TNRC18: variants seen among roughly 807,000 people sequenced by gnomAD.
TNRC18 encodes trinucleotide repeat-containing gene 18 protein.
Under a neutral mutation model 226.7 loss-of-function variants are expected in TNRC18, and 69 were observed. That is an observed-to-expected ratio of 0.30 (90% CI 0.25 to 0.37). The LOEUF is 0.37. Among genes scored for constraint, TNRC18 ranks in the 10% least tolerant of loss-of-function variants. The pLI is 1.00. For synonymous variants in TNRC18, 2,449 were observed against 1,927.6 expected, an observed-to-expected ratio of 1.27 and a Z score of -7.09; for missense variants, 4,754 against 4,256.6, an observed-to-expected ratio of 1.12 and a Z score of -3.25.
intron 11 of TNRC18, among the ~76,000 whole-genome samples, chr7:5,365,915 C>G (rs1179193457): frequency 6.6e-6 from 1 of 152,034 alleles, no homozygotes; most frequent in Non-Finnish European, 1.5e-5. Flanking sequence ...ACTAAAAATA[C>G]AAAAAACTAG....
chr7:5,394,707 G>T lies in TNRC18; in HGVS notation c.188-112C>A. 1.3e-6 allele frequency: 1 copy of T among 794,352 alleles called. No homozygotes were observed. Among genetic ancestry groups the T allele is most frequent in the Non-Finnish European group, 2.0e-6 (1 of 503,248 alleles). The allele number at this position is 794,352 out of a possible 1,614,324, so 49.2% of individuals were successfully genotyped here. On this transcript the variant is annotated intron_variant, in intron 2 of 29. Transcript: ENST00000430969. This position sits in a 1 kb window ranked among gnomAD's most constrained non-coding sequence, Gnocchi z 4.5. The stretch of plus-strand genomic sequence containing the variant: ...GACCGCCGCCTCTCCCCAGCTGTGT[G>T]GAGCTGATGCTGGCCAGGAGACCAA...
At chr7:5,339,541 A>ATGTGTGTGTGTGTG (rs71536907) in intron 18 of TNRC18, among the ~76,000 whole-genome samples, 33 of 137,054 alleles carry the variant, frequency 2.4e-4, no homozygotes, top group African/African-American at 8.5e-4. Flanking sequence ...TGCCCAGCCA[A>ATGTGTGTGTGTGTG]TGTGTGTGTG....
rs572271633 is a variant in TNRC18, at chr7:5,361,713, G to A, written c.4542C>T (p.Arg1514=). 3.8e-5 allele frequency: 60 copies of A among 1,565,948 alleles called. No individual in the cohort carries two copies. The highest frequency in any genetic ancestry group is 5.4e-5 in the African/African-American group (4 of 73,442). The change falls in exon 14 of 30, where the codon CGC becomes CGT. Residue 1514 remains arginine, a synonymous_variant. Coordinates refer to ENST00000430969, the MANE Select transcript of TNRC18 (RefSeq NM_001080495.3). ...GTGCCAAGCTTCTATGGGGTTCCTC[G>A]CGCCTGTCCCTTAAAAAGAATCACA... is the stretch of plus-strand genomic sequence containing the variant. ...LQRRRDSEDR[R]EEPHRSLARR... is the part of the protein sequence containing the mutation.
chr7:5,351,449 G>C (rs536289040), intron 17 of TNRC18, among the ~76,000 whole-genome samples: 12 of 151,644 alleles, frequency 7.9e-5, no homozygotes, highest in Admixed American at 2.6e-4. Flanking sequence ...AACCAAGCCT[G>C]GGGTCTCTGG....
chr7:5,419,184 A>G (rs1782381233), intron 2 of TNRC18, among the ~76,000 whole-genome samples: 1 of 152,260 alleles, frequency 6.6e-6, no homozygotes, highest in African/African-American at 2.4e-5. Context: ...GCAAATGGGC[A>G]TTAGGCCGTC....
intron 11 of TNRC18, among the ~76,000 whole-genome samples, chr7:5,370,146 T>A (rs965243950): frequency 2.6e-5 from 4 of 151,782 alleles, no homozygotes; most frequent in Middle Eastern, 6.8e-3. Flanking sequence ...CAAGACCCCA[T>A]CTCTAAAAAA....
In TNRC18 at chr7:5,332,859, C is replaced by G; in HGVS notation, c.5910G>C (p.Lys1970Asn). The G allele has an allele frequency of 1.3e-6, 2 of 1,511,752 alleles. No individual in the cohort carries two copies. The highest frequency in any genetic ancestry group is 1.8e-6 in the Non-Finnish European group (2 of 1,139,146). The allele number at this position is 1,511,752 out of a possible 1,614,324, so 93.6% of individuals were successfully genotyped here. A position where few individuals can be genotyped will look rare whatever the true frequency, so the allele number is the denominator to read the frequency against. ...CCTTGGGGCCCCGCAGCTTCCGGGC[C>G]TTGCGCCCCTTCTCCACCGCCAGCT... Reference protein sequence around the residue: ...KAKLAVEKGRKARKLRGPKEP... With the variant: ...KAKLAVEKGRNARKLRGPKEP... The change falls in exon 19 of 30, where the codon AAG becomes AAC. Residue 1970 changes from lysine (K) to asparagine (N), a missense_variant. Lys to Asn is a moderately conservative substitution (Grantham distance 94, BLOSUM62 0). Coordinates refer to ENST00000430969, the MANE Select transcript of TNRC18 (RefSeq NM_001080495.3).
intron 19 of TNRC18, chr7:5,330,017 A>C (rs1238082111): frequency 6.4e-6 from 3 of 470,882 alleles, no homozygotes; most frequent in Non-Finnish European, 1.3e-5. Flanking sequence ...TCAGACACCC[A>C]AGGAAAATCA....
Position 5,324,977 on chromosome 7 carries a change from T to C in TNRC18, c.6300+119A>G, listed in dbSNP as rs992696479. 9 of 1,261,004 alleles carry C rather than the reference T, an allele frequency of 7.1e-6. No individual in the cohort carries two copies. The African/African-American group carries it at 7.7e-5, about 11-fold the overall frequency. 78.1% of individuals were successfully genotyped at this position (1,261,004 alleles called of 1,614,324 possible). The stretch of plus-strand genomic sequence containing the variant: ...CACATCACCCTCGTCACCCGCAACC[T>C]CTCTGAGCCACAGCTATAGGGAGGG... On this transcript the variant is annotated intron_variant, in intron 20 of 29. Transcript: ENST00000430969. This position sits in a 1 kb window ranked among gnomAD's most constrained non-coding sequence, Gnocchi z 4.8.
At chr7:5,331,375 A>T (rs1257476886) in intron 19 of TNRC18, among the ~76,000 whole-genome samples, 1 of 152,142 alleles carries the variant, frequency 6.6e-6, no homozygotes, top group African/African-American at 2.4e-5. Context: ...AAGTTTTCTT[A>T]ATCTGGGGTG....
intron 10 of TNRC18, among the ~76,000 whole-genome samples, chr7:5,373,352 AG>A (rs968070284): frequency 7.9e-5 from 12 of 152,154 alleles, no homozygotes; most frequent in Non-Finnish European, 1.8e-4. Flanking sequence ...ATAGCAACCC[AG>A]TTCTGTCCCC....
chr7:5,357,026 T>A lies in TNRC18; in HGVS notation c.5084A>T (p.Lys1695Ile). Reference protein sequence around the residue: ...GLSLKSSREGKHKRAAKTRKM... With the variant: ...GLSLKSSREGIHKRAAKTRKM... ...CCTGGTTTTGGCTGCCCTTTTGTGT[T>A]TACCTTCTCTGGAGGATTTCAGAGA... The change falls in exon 16 of 30, where the codon AAA (lysine) becomes ATA (isoleucine). Residue 1695 changes from lysine to isoleucine, a missense_variant. By Grantham distance (102) the Lys-to-Ile change is moderately radical (BLOSUM62 -3). Transcript: ENST00000430969. 1 of 1,552,330 alleles carries A rather than the reference T, an allele frequency of 6.4e-7. No individual in the cohort carries two copies. Among genetic ancestry groups the A allele is most frequent in the Non-Finnish European group, 8.7e-7 (1 of 1,147,146 alleles).
At chr7:5,374,602 G>GCAT in intron 9 of TNRC18, 118 bp from the exon 10 acceptor site, 2 of 1,100,706 alleles carry the variant, frequency 1.8e-6, no homozygotes, top group Non-Finnish European at 2.5e-6. Context: ...TGCAGGGCCT[G>GCAT]GGGTCCAGGC....
Position 5,371,015 on chromosome 7 carries a change from T to A in TNRC18, c.3579A>T (p.Ala1193=). 1 of 1,608,492 alleles carries A rather than the reference T, an allele frequency of 6.2e-7. No homozygotes were observed. The change falls in exon 11 of 30, where the codon GCA becomes GCT. Residue 1193 remains alanine, a synonymous_variant. Coordinates refer to ENST00000430969, the MANE Select transcript of TNRC18 (RefSeq NM_001080495.3). ...CCAACAGGCCACCTCCACAACCCCCTGCAGGGCTGGGGGTAGCCATGGCTT... is the reference window on the plus strand; with the variant it reads ...CCAACAGGCCACCTCCACAACCCCCAGCAGGGCTGGGGGTAGCCATGGCTT... ...AAEAMATPSP[A]GGCGGGLLEA...
chr7:5,367,053 G>A (rs1793688198), intron 11 of TNRC18, among the ~76,000 whole-genome samples: 1 of 152,184 alleles, frequency 6.6e-6, no homozygotes, highest in African/African-American at 2.4e-5. Flanking sequence ...ATTCCGTAAG[G>A]CTGGTGTCCT....
intron 5 of TNRC18, among the ~76,000 whole-genome samples, 178 bp from the exon 6 acceptor site, chr7:5,378,202 C>T (rs1583985034): frequency 6.6e-6 from 1 of 152,122 alleles, no homozygotes; most frequent in African/African-American, 2.4e-5. Flanking sequence ...CTCCCCCAAA[C>T]CCCAACTGGG....
intron 24 of TNRC18, among the ~76,000 whole-genome samples, chr7:5,317,523 G>C (rs1740664674): frequency 6.6e-6 from 1 of 152,022 alleles, no homozygotes; most frequent in East Asian, 1.9e-4. Flanking sequence ...CCTGGGAGGT[G>C]GAGGCTGCAG....
Position 5,312,976 on chromosome 7 carries a change from A to T in TNRC18, c.7915T>A (p.Ser2639Thr). The change falls in exon 27 of 30, where the codon TCC becomes ACC. Residue 2639 changes from serine (S) to threonine (T), a missense_variant. Transcript: ENST00000430969. The surrounding 1 kb of genome is among the most constrained non-coding windows in gnomAD (Gnocchi z 6.3). ...GAAGACGAAGAGGAAGAGGAGGAGGAGGAAGAGGAGGAGGAGGAAGAGGAG... is the reference window on the plus strand; with the variant it reads ...GAAGACGAAGAGGAAGAGGAGGAGGTGGAAGAGGAGGAGGAGGAAGAGGAG... Reference protein sequence around the residue: ...SSSSSSSSSSSSSSSSSSSSS... With the variant: ...SSSSSSSSSSTSSSSSSSSSS... 1 of 1,103,752 alleles carries T rather than the reference A, an allele frequency of 9.1e-7. No individual in the cohort carries two copies. Among genetic ancestry groups the T allele is most frequent in the Non-Finnish European group, 1.3e-6 (1 of 766,996 alleles). 68.4% of individuals were successfully genotyped at this position (1,103,752 alleles called of 1,614,324 possible). A position where few individuals can be genotyped will look rare whatever the true frequency, so the allele number is the denominator to read the frequency against.
intron 2 of TNRC18, among the ~76,000 whole-genome samples, chr7:5,401,265 G>T (rs1481092697): frequency 6.6e-6 from 1 of 151,862 alleles, no homozygotes; most frequent in African/African-American, 2.4e-5. Context: ...TCATGATAGG[G>T]ATATAAGTTC....
Sources: gnomAD v4.1 joint callset for allele counts (sites outside exome capture counted in the v4.1 genomes callset) on GRCh38, gnomAD v4.1.1 for gene constraint, Gnocchi (gnomAD v3.1) non-coding constraint, MANE v1.5 for transcripts, NCBI Gene and HGNC (gene_info 2026-07-23, HGNC 2026-07-21) for gene names.